Variants in LRRC4C observed in about 807,000 individuals in gnomAD.
The protein encoded by LRRC4C is leucine-rich repeat-containing protein 4C.
Under a neutral mutation model 33.6 loss-of-function variants are expected in LRRC4C, and 5 were observed. The ratio of observed to expected loss-of-function variants is 0.15; its 90% CI spans 0.08 to 0.31. The LOEUF (loss-of-function observed/expected upper bound fraction) is 0.31, where lower values mean the gene tolerates loss of function less well. LRRC4C is among the 10% of genes least tolerant of loss of function. The pLI is 1.00. For synonymous variants in LRRC4C, 329 were observed against 302.0 expected (o/e 1.09, Z -0.93); for missense variants, 560 against 796.7 (o/e 0.70, Z 3.58).
chr11:40,241,312 C>A (rs145234612), intron 5 of LRRC4C, among the ~76,000 whole-genome samples: 1,752 of 152,162 alleles, frequency 0.012, 120 homozygotes, highest in Admixed American at 0.11. Flanking sequence ...AACCCAGGAG[C>A]TGGAGACTGC....
intron 1 of LRRC4C, among the ~76,000 whole-genome samples, chr11:41,047,401 G>A (rs1336664449): frequency 2.0e-5 from 3 of 152,066 alleles, no homozygotes; most frequent in Admixed American, 6.5e-5. Context: ...TGCTGGTGAT[G>A]ATGTAATATG....
intron 1 of LRRC4C, among the ~76,000 whole-genome samples, chr11:41,352,187 A>G (rs1053145833): frequency 6.6e-6 from 1 of 152,216 alleles, no homozygotes; most frequent in African/African-American, 2.4e-5. Context: ...CAAATTGAAC[A>G]CAAAAAAGAG....
chr11:41,203,524 G>A (rs12786242), intron 1 of LRRC4C, among the ~76,000 whole-genome samples: 64,093 of 151,994 alleles, frequency 0.42, 16,496 homozygotes, highest in South Asian at 0.63. Flanking sequence ...ACATGCAAGA[G>A]TCCCTGCATC....
intron 3 of LRRC4C, among the ~76,000 whole-genome samples, chr11:40,578,643 T>C (rs1352839921): frequency 6.6e-6 from 1 of 152,164 alleles, no homozygotes; most frequent in Non-Finnish European, 1.5e-5. Flanking sequence ...CTATTTGTGG[T>C]AGAGATACTA....
At chr11:40,122,371 C>T (rs1408770522) in intron 6 of LRRC4C, among the ~76,000 whole-genome samples, 2 of 152,048 alleles carry the variant, frequency 1.3e-5, no homozygotes, top group Admixed American at 1.3e-4. Context: ...GTATTAAGCC[C>T]CGCATGCATT....
chr11:41,161,265 C>T (rs1438440284), intron 1 of LRRC4C, among the ~76,000 whole-genome samples: 1 of 152,092 alleles, frequency 6.6e-6, no homozygotes, highest in African/African-American at 2.4e-5. Flanking sequence ...TTAACATAGC[C>T]AAGAACATGA....
intron 3 of LRRC4C, among the ~76,000 whole-genome samples, chr11:40,326,141 A>G (rs953885644): frequency 6.6e-6 from 1 of 152,096 alleles, no homozygotes; most frequent in Non-Finnish European, 1.5e-5. Context: ...TATTGAAAGC[A>G]TATTTGTCTA....
At chr11:40,869,209 G>A (rs1483616369) in intron 2 of LRRC4C, among the ~76,000 whole-genome samples, 1 of 152,106 alleles carries the variant, frequency 6.6e-6, no homozygotes, top group African/African-American at 2.4e-5. Context: ...ATATAAAAAG[G>A]TAAGACAAAT....
chr11:41,403,197 CAA>C (rs2138127878), intron 1 of LRRC4C, among the ~76,000 whole-genome samples: 1 of 152,116 alleles, frequency 6.6e-6, no homozygotes, highest in African/African-American at 2.4e-5. Context: ...AAAGTCATTT[CAA>C]AAAGTTAAAC....
chr11:40,351,365 G>A (rs934239224), intron 3 of LRRC4C, among the ~76,000 whole-genome samples: 1 of 151,870 alleles, frequency 6.6e-6, no homozygotes, highest in Admixed American at 6.6e-5. Context: ...GGAGAAGAAT[G>A]TGCATTCTGC....
At chr11:40,905,526 G>A (rs917645427) in intron 2 of LRRC4C, among the ~76,000 whole-genome samples, 1 of 152,154 alleles carries the variant, frequency 6.6e-6, no homozygotes, top group African/African-American at 2.4e-5. Flanking sequence ...AGGCAACAAG[G>A]AAAAACTAAC....
chr11:40,282,826 T>A (rs887071645), intron 4 of LRRC4C, among the ~76,000 whole-genome samples: 5 of 152,220 alleles, frequency 3.3e-5, no homozygotes, highest in African/African-American at 7.2e-5. Context: ...AATTATTATA[T>A]CCATGAATGT....
chr11:41,095,046 G>T (rs533699662), intron 1 of LRRC4C, among the ~76,000 whole-genome samples: 30 of 152,140 alleles, frequency 2.0e-4, no homozygotes, highest in Non-Finnish European at 3.5e-4. Flanking sequence ...TTTTCACACT[G>T]CTATGAAAAT....
chr11:40,383,455 C>T (rs574590428), intron 3 of LRRC4C, among the ~76,000 whole-genome samples: 68 of 152,242 alleles, frequency 4.5e-4, no homozygotes, highest in African/African-American at 1.6e-3. Context: ...ATAGTGGCTG[C>T]ACCAATTTAC....
At chr11:40,409,853 G>A (rs550868066) in intron 3 of LRRC4C, among the ~76,000 whole-genome samples, 2 of 152,084 alleles carry the variant, frequency 1.3e-5, no homozygotes, top group Admixed American at 1.3e-4. Context: ...ATGGAAATAA[G>A]TCTTCTCATT....
chr11:41,337,198 C>T (rs990171040), intron 1 of LRRC4C, among the ~76,000 whole-genome samples: 1 of 152,038 alleles, frequency 6.6e-6, no homozygotes, highest in Non-Finnish European at 1.5e-5. Context: ...GTATGTGCTA[C>T]CATGCCCAGC....
intron 2 of LRRC4C, among the ~76,000 whole-genome samples, chr11:40,777,923 C>T (rs893842758): frequency 3.3e-5 from 5 of 152,110 alleles, no homozygotes; most frequent in Non-Finnish European, 5.9e-5. Flanking sequence ...CTCCTGATCT[C>T]GTGATCCACC....
chr11:40,646,875 G>A (rs1317560388), intron 3 of LRRC4C, among the ~76,000 whole-genome samples: 1 of 152,110 alleles, frequency 6.6e-6, no homozygotes, highest in African/African-American at 2.4e-5. Flanking sequence ...CAAAATGCTG[G>A]GATTACAGGT....
intron 2 of LRRC4C, among the ~76,000 whole-genome samples, chr11:40,822,901 GT>G (rs1161058733): frequency 2.0e-5 from 3 of 151,614 alleles, no homozygotes; most frequent in African/African-American, 7.3e-5. Context: ...GATCTATCCA[GT>G]TTTCCCAGCA....
Sources: allele counts gnomAD v4.1 joint callset (sites outside exome capture counted in the v4.1 genomes callset), GRCh38; gene constraint gnomAD v4.1.1; transcripts MANE v1.5; gene names NCBI Gene and HGNC (gene_info 2026-07-23, HGNC 2026-07-21).